The following WDFY3 variants were observed in gnomAD, a reference collection of about 807,000 sequenced individuals.
WDFY3 encodes the protein WD repeat and FYVE domain containing 3.
Under a neutral mutation model 409.6 loss-of-function variants are expected in WDFY3, and 66 were observed. The ratio of observed to expected loss-of-function variants is 0.16; its 90% CI spans 0.13 to 0.20. The LOEUF is 0.20. WDFY3 is among the 10% of genes least tolerant of loss of function. WDFY3 has a pLI of 1.00. For missense variants in WDFY3, 3,031 were observed against 4,298.1 expected (o/e 0.71, Z 8.24); for synonymous variants, 1,521 against 1,537.1 (o/e 0.99, Z 0.25).
chr4:84,876,265 T>C (rs1762770580), intron 3 of WDFY3, among the ~76,000 whole-genome samples: 1 of 152,212 alleles, frequency 6.6e-6, no homozygotes, highest in African/African-American at 2.4e-5. Context: ...TTCACCAACA[T>C]ATCATTATGT....
intron 58 of WDFY3, among the ~76,000 whole-genome samples, 189 bp from the exon 59 acceptor site, chr4:84,693,221 A>C (rs1464272961): frequency 6.6e-6 from 1 of 152,224 alleles, no homozygotes; most frequent in Admixed American, 6.5e-5. Flanking sequence ...CTCACACCTG[A>C]ATAAGCAGGG....
intron 10 of WDFY3, among the ~76,000 whole-genome samples, chr4:84,823,610 A>G (rs748830047): frequency 6.6e-5 from 10 of 152,168 alleles, no homozygotes; most frequent in African/African-American, 9.6e-5. Flanking sequence ...ACCCTATCAA[A>G]CAATGGGCTC....
intron 1 of WDFY3, among the ~76,000 whole-genome samples, chr4:84,961,906 T>G (rs1232850846): frequency 1.3e-5 from 2 of 152,186 alleles, no homozygotes; most frequent in Non-Finnish European, 2.9e-5. Flanking sequence ...GTTACTGATA[T>G]TAATAAATAT....
chr4:84,693,321 G>A (rs1388633322), intron 58 of WDFY3, among the ~76,000 whole-genome samples: 1 of 152,120 alleles, frequency 6.6e-6, no homozygotes. Context: ...TCAATCTACA[G>A]TTGATTGACA....
intron 3 of WDFY3, 64 bp from the exon 4 acceptor site, chr4:84,860,686 A>G (rs927345528): frequency 7.1e-5 from 92 of 1,288,732 alleles, no homozygotes; most frequent in Non-Finnish European, 9.1e-5. Flanking sequence ...TCAAGCATGC[A>G]TGTAAGAGCT....
At chr4:84,810,372 G>C in intron 13 of WDFY3, 28 bp from the exon 14 acceptor site, 16 of 1,151,756 alleles carry the variant, frequency 1.4e-5, no homozygotes, top group South Asian at 1.9e-5. Flanking sequence ...AAAAACAAAT[G>C]AAAATACACA....
rs1765158213 is a variant in WDFY3 at position 84,893,096 on chromosome 4, A to C, written c.-32+3815T>G. Among the ~76,000 whole-genome samples the C allele has an allele frequency of 3.3e-5, 5 of 152,304 alleles. No individual in the cohort carries two copies. The South Asian group carries it at 1.0e-3, about 32-fold the overall frequency. On this transcript the variant is annotated intron_variant, in intron 3 of 67. Coordinates refer to ENST00000295888, the MANE Select transcript of WDFY3 (RefSeq NM_014991.6). The stretch of plus-strand genomic sequence containing the variant: ...AGAATTAGAGAAGGGGAGAGTGTTA[A>C]GCTCTCAAATGTCTGCATTGTGATT...
At chr4:84,742,362 A>C (rs897777966) in intron 37 of WDFY3, among the ~76,000 whole-genome samples, 11 of 152,372 alleles carry the variant, frequency 7.2e-5, no homozygotes, top group African/African-American at 2.6e-4. Flanking sequence ...GAGAGCTTCA[A>C]GAAAACTGTG....
chr4:84,860,398 C>A lies in WDFY3; in HGVS notation c.180+14G>T. 3 of 1,602,490 alleles carry A rather than the reference C, an allele frequency of 1.9e-6. No individual in the cohort carries two copies. Among genetic ancestry groups the A allele is most frequent in the East Asian group, 4.5e-5 (2 of 44,604 alleles). The stretch of plus-strand genomic sequence containing the variant: ...CCAGTCCCGGAAGGTGTGTGTCTGG[C>A]AACCTGGACTTACCCTGTTAAACAC... On this transcript the variant is annotated intron_variant, in intron 4 of 67. Transcript: ENST00000295888.
At chr4:84,821,022 C>T (rs1232358313) in intron 11 of WDFY3, 62 bp downstream of exon 11, 30 of 1,420,232 alleles carry the variant, frequency 2.1e-5, no homozygotes, top group Non-Finnish European at 2.8e-5. Context: ...GGAACAAGAA[C>T]AAAAAATTCT....
At chr4:84,778,404 G>T in intron 27 of WDFY3, 99 bp downstream of exon 27, 2 of 1,087,548 alleles carry the variant, frequency 1.8e-6, no homozygotes, top group South Asian at 2.7e-5. Context: ...TAAAATTATA[G>T]GGCTTTAAAC....
chr4:84,858,882 G>A (rs1760142471), intron 4 of WDFY3, among the ~76,000 whole-genome samples: 1 of 151,910 alleles, frequency 6.6e-6, no homozygotes, highest in Non-Finnish European at 1.5e-5. Context: ...CAGAGACAGG[G>A]AAAGAAATAG....
At chr4:84,803,561 G>A (rs1388360372) in intron 15 of WDFY3, 94 bp from the exon 16 acceptor site, 2 of 1,336,706 alleles carry the variant, frequency 1.5e-6, no homozygotes, top group Admixed American at 5.0e-5. Flanking sequence ...AAAAAGCCTT[G>A]TTAGAAAACA....
rs1444147457 is a variant in WDFY3, at chr4:84,691,762, T to C, written c.9073A>G (p.Ile3025Val). ...VKELKEPVGQIVCTDKGILAV... is the reference protein window; with the variant it reads ...VKELKEPVGQVVCTDKGILAV... ...AGAATACCTTTATCTGTACATACGA[T>C]TTGTCCTACAGGTTCTTTGAGTTCT... Residue 3025 changes from isoleucine to valine, a missense_variant, in exon 60 of 68, where the codon ATC becomes GTC. By Grantham distance (29) the Ile-to-Val change is conservative. Around this residue, in one of 16 missense-constraint regions of WDFY3, gnomAD observed 152 missense variants for 193.5 expected, o/e 0.79. Transcript: ENST00000295888. 6.2e-7 allele frequency: 1 copy of C among 1,613,362 alleles called. No individual in the cohort carries two copies. Among genetic ancestry groups the C allele is most frequent in the Admixed American group, 1.7e-5 (1 of 59,968 alleles).
chr4:84,695,651 C>T (rs1439665405), intron 58 of WDFY3, among the ~76,000 whole-genome samples: 1 of 152,090 alleles, frequency 6.6e-6, no homozygotes, highest in Non-Finnish European at 1.5e-5. Context: ...GCACTGGTTT[C>T]CCACTGGCCT....
chr4:84,742,007 T>TA, intron 37 of WDFY3, 86 bp from the exon 38 acceptor site: 10 of 1,308,618 alleles, frequency 7.6e-6, no homozygotes, highest in Non-Finnish European at 9.2e-6. Flanking sequence ...CAGGCTAAGG[T>TA]AAAATAAGTG....
Position 84,751,310 on chromosome 4 carries a change from T to A in WDFY3, c.5973+173A>T, listed in dbSNP as rs542729476. ...CCTTGAGGGAAGGAAAAGAACAAACTGATAGGGTTTAAAGCACATGTGGGA... is the reference window on the plus strand; with the variant it reads ...CCTTGAGGGAAGGAAAAGAACAAACAGATAGGGTTTAAAGCACATGTGGGA... On this transcript the variant is annotated intron_variant, in intron 36 of 67. Transcript: ENST00000295888. 8 of 657,446 alleles carry A rather than the reference T, an allele frequency of 1.2e-5. No individual in the cohort carries two copies. In the East Asian group the frequency reaches 2.2e-4, roughly 18 times the overall value. 40.7% of individuals were successfully genotyped at this position (657,446 alleles called of 1,614,324 possible). A position where few individuals can be genotyped will look rare whatever the true frequency, so the allele number is the denominator to read the frequency against.
In WDFY3 at chr4:84,747,660, G is replaced by A. The variant is rs566135112; in HGVS notation, c.5973+3823C>T. Among the ~76,000 whole-genome samples, 493 of 152,080 alleles carry A rather than the reference G, an allele frequency of 3.2e-3. 4 individuals carry two copies. The highest frequency in any genetic ancestry group is 0.011 in the African/African-American group (453 of 41,506). ...ACAGTGGAAGGTAATTAAATCATGG[G>A]GGTGGTTACTCTCATGCTGTTCTTG... is the stretch of plus-strand genomic sequence containing the variant. On this transcript the variant is annotated intron_variant, in intron 36 of 67. Transcript: ENST00000295888.
At chr4:84,950,677 C>A (rs766154547) in intron 1 of WDFY3, among the ~76,000 whole-genome samples, 10 of 152,144 alleles carry the variant, frequency 6.6e-5, no homozygotes, top group Non-Finnish European at 1.5e-4. Flanking sequence ...GTAGTCCCAG[C>A]TACTTGGGAG....
Sources: allele counts gnomAD v4.1 joint callset (sites outside exome capture counted in the v4.1 genomes callset), GRCh38; gene constraint gnomAD v4.1.1; regional missense constraint gnomAD v4.1.1; transcripts MANE v1.5; gene names NCBI Gene and HGNC (gene_info 2026-07-23, HGNC 2026-07-21).